The following AKAP8L variants were observed in gnomAD, a reference collection of about 807,000 sequenced individuals.
The protein encoded by AKAP8L is A-kinase anchor protein 8-like.
A neutral mutation model predicts 77.5 loss-of-function variants in AKAP8L; 34 were observed. That is an observed-to-expected ratio of 0.44 (90% CI 0.33 to 0.58). AKAP8L has a LOEUF of 0.58. Among genes scored for constraint, AKAP8L ranks in the 20% least tolerant of loss-of-function variants. The pLI is 0.02. For missense variants in AKAP8L, 806 were observed against 887.6 expected, an observed-to-expected ratio of 0.91 and a Z score of 1.17; for synonymous variants, 342 against 340.7, an observed-to-expected ratio of 1.00 and a Z score of -0.04.
At chr19:15,404,299 C>T in intron 2 of AKAP8L, 1 of 485,548 alleles carries the variant, frequency 2.1e-6, no homozygotes, top group East Asian at 3.6e-5. Flanking sequence ...GAACTTGGCT[C>T]CTATACTCCT....
chr19:15,387,349 C>A (rs1967560496), intron 12 of AKAP8L, among the ~76,000 whole-genome samples: 1 of 152,188 alleles, frequency 6.6e-6, no homozygotes, highest in Non-Finnish European at 1.5e-5. Context: ...AACTGACTGA[C>A]TTCACTGGCA....
chr19:15,414,585 G>A (rs1164851536), intron 1 of AKAP8L, among the ~76,000 whole-genome samples: 11 of 149,412 alleles, frequency 7.4e-5, no homozygotes, highest in African/African-American at 2.7e-4. Context: ...GCCTCCTGGG[G>A]TCACGCCATT....
chr19:15,387,468 A>G (rs1409886448), intron 12 of AKAP8L, among the ~76,000 whole-genome samples: 1 of 151,858 alleles, frequency 6.6e-6, no homozygotes, highest in Non-Finnish European at 1.5e-5. Flanking sequence ...CTGAATATTT[A>G]TTGGAGTTAA....
chr19:15,397,723 G>C lies in AKAP8L; in HGVS notation c.1290C>G (p.Asp430Glu). Residue 430 changes from aspartate to glutamate, a missense_variant, in exon 10 of 14, where the codon GAC becomes GAG. Asp to Glu is a conservative substitution (Grantham distance 45). This residue lies in a region of AKAP8L where 580 missense variants were observed against 694.1 expected (regional missense o/e 0.84). Transcript: ENST00000397410. The surrounding 1 kb of genome is among the most constrained non-coding windows in gnomAD (Gnocchi z 4.7). ...TTACTCCAAGGCTCACCTGCAGAAA[G>C]TCAGCCGTCTGCTTAGGGAGCTTGG... is the stretch of plus-strand genomic sequence containing the variant. Reference protein sequence around the residue: ...VGTKLPKQTADFLQEYVTNKT... With the variant: ...VGTKLPKQTAEFLQEYVTNKT... 6.2e-7 allele frequency: 1 copy of C among 1,614,058 alleles called. No homozygotes were observed. Among genetic ancestry groups the C allele is most frequent in the Non-Finnish European group, 8.5e-7 (1 of 1,179,910 alleles).
In AKAP8L at chr19:15,398,166, G is replaced by A. The variant is rs1483749404; in HGVS notation, c.1158-311C>T. Reference sequence around the variant, plus strand: ...CGCTGGAAAGTTGCTGGAGGGCCTCGCTACCAAGGCTGGGCAGGAGCGTGT... The same window carrying A: ...CGCTGGAAAGTTGCTGGAGGGCCTCACTACCAAGGCTGGGCAGGAGCGTGT... On this transcript the variant is annotated intron_variant, in intron 9 of 13. Coordinates refer to ENST00000397410, the MANE Select transcript of AKAP8L (RefSeq NM_014371.4). This position sits in a 1 kb window ranked among gnomAD's most constrained non-coding sequence, Gnocchi z 9.2. 4 of 410,352 alleles carry A rather than the reference G, an allele frequency of 9.7e-6. No homozygotes were observed. Among genetic ancestry groups the A allele is most frequent in the East Asian group, 1.0e-4 (2 of 20,008 alleles). 25.4% of individuals were successfully genotyped at this position (410,352 alleles called of 1,614,324 possible). A position where few individuals can be genotyped will look rare whatever the true frequency, so the allele number is the denominator to read the frequency against.
At chr19:15,388,005 G>GC (rs1397219900) in intron 12 of AKAP8L, among the ~76,000 whole-genome samples, 1 of 152,084 alleles carries the variant, frequency 6.6e-6, no homozygotes, top group Non-Finnish European at 1.5e-5. Context: ...CTATAAAGGA[G>GC]CCCAAATTTA....
At chr19:15,396,838 C>A (rs1365701950) in intron 12 of AKAP8L, among the ~76,000 whole-genome samples, 1 of 152,222 alleles carries the variant, frequency 6.6e-6, no homozygotes, top group Non-Finnish European at 1.5e-5. Flanking sequence ...TCAAGCCCAA[C>A]CCCCTCCTCC....
intron 2 of AKAP8L, among the ~76,000 whole-genome samples, chr19:15,408,864 T>A (rs1374884192): frequency 2.0e-5 from 3 of 148,836 alleles, no homozygotes; most frequent in Non-Finnish European, 4.5e-5. Context: ...AGAGTGAGAC[T>A]CTGTCTCAAA....
At chr19:15,402,819 G>A (rs1228015199) in intron 4 of AKAP8L, among the ~76,000 whole-genome samples, 1 of 152,204 alleles carries the variant, frequency 6.6e-6, no homozygotes, top group East Asian at 1.9e-4. Context: ...AATAACAAAT[G>A]CCCACAGCAT....
intron 12 of AKAP8L, among the ~76,000 whole-genome samples, chr19:15,391,041 T>C (rs981536931): frequency 2.6e-5 from 4 of 152,162 alleles, no homozygotes; most frequent in Non-Finnish European, 5.9e-5. Flanking sequence ...CAATACTGTA[T>C]TGGAGGTTCT....
intron 1 of AKAP8L, among the ~76,000 whole-genome samples, chr19:15,412,163 A>G (rs1968117276): frequency 6.6e-6 from 1 of 152,016 alleles, no homozygotes; most frequent in Admixed American, 6.6e-5. Flanking sequence ...AGCCAAAATC[A>G]TGCCACTGCA....
chr19:15,414,213 C>T (rs1464536557), intron 1 of AKAP8L, among the ~76,000 whole-genome samples: 6 of 150,696 alleles, frequency 4.0e-5, no homozygotes, highest in African/African-American at 7.3e-5. Context: ...TACAGGCATG[C>T]GCCACTACGC....
At chr19:15,388,048 A>G (rs933705035) in intron 12 of AKAP8L, among the ~76,000 whole-genome samples, 6 of 152,154 alleles carry the variant, frequency 3.9e-5, no homozygotes, top group Non-Finnish European at 8.8e-5. Context: ...TCTATGCCCC[A>G]AAACATTGTT....
intron 2 of AKAP8L, 93 bp downstream of exon 2, chr19:15,410,427 G>A (rs1968085421): frequency 6.4e-6 from 7 of 1,098,926 alleles, no homozygotes; most frequent in Non-Finnish European, 9.4e-6. Flanking sequence ...GTTTAAAAAA[G>A]CATGACAGGG....
At chr19:15,406,696 G>A (rs922028893) in intron 2 of AKAP8L, among the ~76,000 whole-genome samples, 4 of 151,756 alleles carry the variant, frequency 2.6e-5, no homozygotes, top group African/African-American at 7.3e-5. Flanking sequence ...CAAACTCCTG[G>A]GGGCTCAAGC....
chr19:15,398,529 C>T lies in AKAP8L; in HGVS notation c.1158-674G>A, dbSNP rs576778455. On this transcript the variant is annotated intron_variant, in intron 9 of 13. Coordinates refer to ENST00000397410, the MANE Select transcript of AKAP8L (RefSeq NM_014371.4). The surrounding 1 kb of genome is among the most constrained non-coding windows in gnomAD (Gnocchi z 9.2). The stretch of plus-strand genomic sequence containing the variant: ...AGGTGCTCTGTCTGGGCCTGGTGTC[C>T]ACAGTAGAAGCCCGGGGTCTGGGGC... The T allele has an allele frequency of 4.1e-6, 4 of 972,534 alleles. No homozygotes were observed. In the East Asian group the frequency reaches 4.6e-4, roughly 111 times the overall value. The allele number at this position is 972,534 out of a possible 1,614,324, so 60.2% of individuals were successfully genotyped here. A position where few individuals can be genotyped will look rare whatever the true frequency, so the allele number is the denominator to read the frequency against.
At chr19:15,417,540 C>T (rs1186515893) in intron 1 of AKAP8L, 1 of 152,186 alleles carries the variant, frequency 6.6e-6, no homozygotes, top group Non-Finnish European at 1.5e-5. Flanking sequence ...CAGACATTGC[C>T]AGATGTCATC....
At chr19:15,392,618 C>T (rs970652619) in intron 12 of AKAP8L, among the ~76,000 whole-genome samples, 4 of 148,646 alleles carry the variant, frequency 2.7e-5, no homozygotes, top group Non-Finnish European at 6.0e-5. Context: ...CTTAACAGGC[C>T]GGGCCTGGTG....
At chr19:15,417,745 C>A (rs1227227006) in intron 1 of AKAP8L, 2 of 152,194 alleles carry the variant, frequency 1.3e-5, no homozygotes, top group Non-Finnish European at 2.9e-5. Flanking sequence ...CTCAAAATTC[C>A]AAGTAGAATG....
Sources: gnomAD v4.1 joint callset for allele counts (sites outside exome capture counted in the v4.1 genomes callset) on GRCh38, gnomAD v4.1.1 for gene constraint, gnomAD v4.1.1 regional missense constraint, Gnocchi (gnomAD v3.1) non-coding constraint, MANE v1.5 for transcripts, NCBI Gene and HGNC (gene_info 2026-07-23, HGNC 2026-07-21) for gene names.